The following RBPJ variants were observed in gnomAD, a reference collection of about 807,000 sequenced individuals.
RBPJ encodes recombination signal binding protein for immunoglobulin kappa J region.
Under a neutral mutation model 67.8 loss-of-function variants are expected in RBPJ, and 9 were observed. The ratio of observed to expected loss-of-function variants is 0.13; its 90% CI spans 0.08 to 0.23. The LOEUF is 0.23. RBPJ is among the 10% of genes least tolerant of loss of function. The probability of loss-of-function intolerance (pLI) is 1.00; values close to 1 mark genes in which losing one functional copy is unlikely to be tolerated. For missense variants in RBPJ, 305 were observed against 595.6 expected, an observed-to-expected ratio of 0.51 and a Z score of 5.08; for synonymous variants, 198 against 203.3, an observed-to-expected ratio of 0.97 and a Z score of 0.22.
chr4:26,261,726 C>G (rs1037495896), intron 1 of RBPJ, among the ~76,000 whole-genome samples: 4 of 152,184 alleles, frequency 2.6e-5, no homozygotes, highest in African/African-American at 9.7e-5. Flanking sequence ...TGATGTAAGA[C>G]AGTGAGTGCT....
intron 1 of RBPJ, among the ~76,000 whole-genome samples, chr4:26,385,958 A>G (rs1279222715): frequency 1.3e-5 from 2 of 152,008 alleles, no homozygotes; most frequent in Non-Finnish European, 2.9e-5. Context: ...AAGCACCACA[A>G]CACCAGGCTA....
rs560722184 is a variant in RBPJ at position 26,420,168 on chromosome 4, TTA to T, written c.322-381_322-380del. ...TTCTTGAATTCTGATAGCTTTATTA[TTA>T]TTTTTTTTTTGGAGAAAGTCATTGA... On this transcript the variant is annotated intron_variant, in intron 4 of 10. Transcript: ENST00000355476. 2.9e-3 allele frequency among the ~76,000 whole-genome samples: 302 copies of T among 105,924 alleles called. 2 individuals are homozygous for T. The highest frequency in any genetic ancestry group is 8.6e-3 in the African/African-American group (288 of 33,418). 69.5% of individuals were successfully genotyped at this position (105,924 alleles called of 152,430 possible). A position where few individuals can be genotyped will look rare whatever the true frequency, so the allele number is the denominator to read the frequency against.
chr4:26,245,114 A>C (rs1415118916), intron 1 of RBPJ, among the ~76,000 whole-genome samples: 1 of 151,356 alleles, frequency 6.6e-6, no homozygotes, highest in African/African-American at 2.4e-5. Context: ...TAATTGCAGA[A>C]CTTTTTTATT....
At chr4:26,180,437 A>G (rs1209160224) in intron 1 of RBPJ, among the ~76,000 whole-genome samples, 1 of 152,170 alleles carries the variant, frequency 6.6e-6, no homozygotes, top group East Asian at 1.9e-4. Flanking sequence ...ATCAGAATCT[A>G]TTTCTTATAA....
At chr4:26,131,518 CTAAA>C in the RBPJ span, among the ~76,000 whole-genome samples, 1 of 152,088 alleles carries the variant, frequency 6.6e-6, no homozygotes, top group Non-Finnish European at 1.5e-5. Context: ...CTGAAATAGG[CTAAA>C]TAGTGACCCC....
intron 1 of RBPJ, among the ~76,000 whole-genome samples, chr4:26,328,993 TTTTG>T (rs146318397): frequency 1.1e-4 from 17 of 151,970 alleles, no homozygotes; most frequent in Admixed American, 7.9e-4. Flanking sequence ...GTATTGAGGT[TTTTG>T]TTTGTTTGTT....
At chr4:26,261,451 G>A (rs1159812595) in intron 1 of RBPJ, among the ~76,000 whole-genome samples, 1 of 152,100 alleles carries the variant, frequency 6.6e-6, no homozygotes, top group African/African-American at 2.4e-5. Flanking sequence ...AATGAGGAAG[G>A]CTATATCCCT....
At chr4:26,394,252 C>T (rs1031641401) in intron 2 of RBPJ, among the ~76,000 whole-genome samples, 7 of 152,096 alleles carry the variant, frequency 4.6e-5, no homozygotes, top group African/African-American at 1.4e-4. Flanking sequence ...TGGTCTTGAT[C>T]TCCTGACCAC....
At chr4:26,279,695 A>G (rs1721198128) in intron 1 of RBPJ, among the ~76,000 whole-genome samples, 1 of 152,130 alleles carries the variant, frequency 6.6e-6, no homozygotes, top group Admixed American at 6.5e-5. Context: ...ACTTCCTAAG[A>G]AGATGGCAGG....
At chr4:26,341,778 A>G (rs904079205) in intron 1 of RBPJ, among the ~76,000 whole-genome samples, 7 of 152,234 alleles carry the variant, frequency 4.6e-5, no homozygotes, top group Non-Finnish European at 1.0e-4. Flanking sequence ...AGAACCCTTC[A>G]GAGGTCTGTT....
intron 1 of RBPJ, among the ~76,000 whole-genome samples, chr4:26,291,992 T>C (rs760318804): frequency 2.6e-5 from 4 of 150,966 alleles, no homozygotes; most frequent in Non-Finnish European, 4.4e-5. Context: ...ATTTGATATA[T>C]GTACATATTG....
intron 7 of RBPJ, among the ~76,000 whole-genome samples, chr4:26,427,552 T>C (rs541296158): frequency 2.0e-5 from 3 of 152,240 alleles, no homozygotes; most frequent in Admixed American, 2.0e-4. Context: ...GTTGGAGCAG[T>C]TGTGGTCCTG....
intron 1 of RBPJ, among the ~76,000 whole-genome samples, chr4:26,273,878 G>A (rs1204686970): frequency 1.3e-5 from 2 of 152,156 alleles, no homozygotes; most frequent in African/African-American, 4.8e-5. Context: ...ATCGCCATTT[G>A]CATCTTCCTG....
intron 1 of RBPJ, among the ~76,000 whole-genome samples, chr4:26,358,970 T>TAGA (rs1727717491): frequency 6.6e-6 from 1 of 152,178 alleles, no homozygotes; most frequent in Non-Finnish European, 1.5e-5. Context: ...GTAAGTCACC[T>TAGA]AGAAGTTAAG....
chr4:26,418,361 A>G (rs1320434971), intron 4 of RBPJ, among the ~76,000 whole-genome samples: 1 of 152,122 alleles, frequency 6.6e-6, no homozygotes, highest in Non-Finnish European at 1.5e-5. Flanking sequence ...TCTTTTCTTA[A>G]TGGAATTTGA....
intron 2 of RBPJ, among the ~76,000 whole-genome samples, chr4:26,394,722 A>G (rs992898614): frequency 6.6e-6 from 1 of 151,998 alleles, no homozygotes; most frequent in African/African-American, 2.4e-5. Flanking sequence ...TCGACTTAAT[A>G]CTCTGTTGTA....
intron 1 of RBPJ, among the ~76,000 whole-genome samples, chr4:26,168,112 A>C (rs1465232830): frequency 2.7e-5 from 4 of 150,538 alleles, no homozygotes; most frequent in Admixed American, 6.6e-5. Context: ...TGATCCTGTC[A>C]TTATGATGTT....
At chr4:26,153,563 C>G in the RBPJ span, among the ~76,000 whole-genome samples, 3 of 152,150 alleles carry the variant, frequency 2.0e-5, no homozygotes, top group Non-Finnish European at 2.9e-5. Context: ...TAGTGGATAG[C>G]TTTTTTCAAA....
chr4:26,219,919 G>A (rs907108622), intron 1 of RBPJ, among the ~76,000 whole-genome samples: 2 of 151,060 alleles, frequency 1.3e-5, no homozygotes, highest in African/African-American at 4.9e-5. Flanking sequence ...GGGACCACAG[G>A]CACCCACCAC....
Sources: allele counts gnomAD v4.1 joint callset (sites outside exome capture counted in the v4.1 genomes callset), GRCh38; gene constraint gnomAD v4.1.1; transcripts MANE v1.5; gene names NCBI Gene and HGNC (gene_info 2026-07-23, HGNC 2026-07-21).